Variants in CTNNA2 observed in about 807,000 individuals in gnomAD.
The protein encoded by CTNNA2 is catenin alpha 2.
CTNNA2 carries 42 observed loss-of-function variants against 101.0 expected under a neutral mutation model. The observed-to-expected ratio is 0.42, with a 90% CI of 0.32 to 0.54. The LOEUF is 0.54. Among genes scored for constraint, CTNNA2 ranks in the 20% least tolerant of loss-of-function variants. CTNNA2 has a pLI of 0.14. For missense variants in CTNNA2, 871 were observed against 1,223.1 expected (o/e 0.71, Z 4.29); for synonymous variants, 450 against 456.4 (o/e 0.99, Z 0.18).
At chr2:79,902,628 TC>T (rs1007637610) in intron 6 of CTNNA2, among the ~76,000 whole-genome samples, 3 of 148,450 alleles carry the variant, frequency 2.0e-5, no homozygotes, top group African/African-American at 7.7e-5. Context: ...TTCTTCCTCT[TC>T]TTTTTTTTTT....
At chr2:79,781,619 G>A (rs972518508) in intron 3 of CTNNA2, among the ~76,000 whole-genome samples, 8 of 152,066 alleles carry the variant, frequency 5.3e-5, no homozygotes, top group African/African-American at 1.9e-4. Context: ...CTTTTTGAAA[G>A]ATCAAAAAGT....
intron 9 of CTNNA2, among the ~76,000 whole-genome samples, chr2:80,521,460 A>G (rs1689541263): frequency 6.6e-6 from 1 of 152,226 alleles, no homozygotes; most frequent in African/African-American, 2.4e-5. Flanking sequence ...AGGGGAATTA[A>G]GGTTGCAAAT....
At chr2:80,398,484 A>C (rs1440377688) in intron 8 of CTNNA2, among the ~76,000 whole-genome samples, 1 of 152,120 alleles carries the variant, frequency 6.6e-6, no homozygotes, top group Non-Finnish European at 1.5e-5. Context: ...CTGTGGAAAC[A>C]TGGAGATCAG....
intron 1 of CTNNA2, among the ~76,000 whole-genome samples, chr2:79,538,347 T>C (rs902905541): frequency 6.6e-6 from 1 of 151,758 alleles, no homozygotes; most frequent in South Asian, 2.1e-4. Context: ...AAAGCTGTTA[T>C]GATTTTTTTC....
chr2:80,509,463 G>T lies in CTNNA2; in HGVS notation c.1291-35519G>T, dbSNP rs555627085. On this transcript the variant is annotated intron_variant, in intron 9 of 18. Coordinates refer to ENST00000402739, the MANE Select transcript of CTNNA2 (RefSeq NM_001282597.3). ...AAATTGTCCTGCTGATGCTCTTATGGTATAAGTGTGAAAATGGCCTTCTGT... is the reference window on the plus strand; with the variant it reads ...AAATTGTCCTGCTGATGCTCTTATGTTATAAGTGTGAAAATGGCCTTCTGT... Among the ~76,000 whole-genome samples the T allele has an allele frequency of 2.6e-5, 4 of 152,266 alleles. No individual in the cohort carries two copies. The South Asian group carries it at 8.3e-4, about 32-fold the overall frequency.
intron 2 of CTNNA2, among the ~76,000 whole-genome samples, chr2:79,292,240 G>T (rs1335624882): frequency 6.6e-6 from 1 of 152,128 alleles, no homozygotes; most frequent in Non-Finnish European, 1.5e-5. Flanking sequence ...AAGCAGTGTT[G>T]GCTGTGGCAG....
chr2:79,281,454 C>A (rs538970046), intron 2 of CTNNA2: 1 of 152,282 alleles, frequency 6.6e-6, no homozygotes, highest in East Asian at 1.9e-4. Flanking sequence ...TTTTGGCCTT[C>A]CTTATCCAGA....
intron 7 of CTNNA2, among the ~76,000 whole-genome samples, chr2:80,375,663 C>T (rs1214371367): frequency 6.8e-6 from 1 of 146,864 alleles, no homozygotes; most frequent in African/African-American, 2.5e-5. Context: ...CTCCCAGGTT[C>T]ATGCCATTCT....
intron 7 of CTNNA2, among the ~76,000 whole-genome samples, chr2:79,958,034 T>C (rs144932760): frequency 8.2e-4 from 125 of 152,298 alleles, no homozygotes; most frequent in African/African-American, 2.9e-3. Flanking sequence ...TTCACATGAC[T>C]TGGTTTTAAG....
chr2:79,203,844 C>T (rs1290633348), intron 2 of CTNNA2, among the ~76,000 whole-genome samples: 1 of 151,978 alleles, frequency 6.6e-6, no homozygotes, highest in Non-Finnish European at 1.5e-5. Flanking sequence ...CAATGAAGGC[C>T]CAAAGGTGTC....
intron 2 of CTNNA2, among the ~76,000 whole-genome samples, chr2:79,729,340 G>A (rs1687062377): frequency 6.6e-6 from 1 of 152,070 alleles, no homozygotes; most frequent in Non-Finnish European, 1.5e-5. Flanking sequence ...CCTTTAAGGT[G>A]TATATTATTG....
At chr2:79,695,474 T>A (rs2104725241) in intron 2 of CTNNA2, among the ~76,000 whole-genome samples, 1 of 152,056 alleles carries the variant, frequency 6.6e-6, no homozygotes, top group South Asian at 2.1e-4. Context: ...CAATAAACTA[T>A]AGGAGCAGTC....
chr2:80,438,810 A>G (rs947289551), intron 9 of CTNNA2, among the ~76,000 whole-genome samples: 1 of 152,182 alleles, frequency 6.6e-6, no homozygotes, highest in Non-Finnish European at 1.5e-5. Flanking sequence ...TTTATTCACC[A>G]AAGTCTATAG....
intron 2 of CTNNA2, among the ~76,000 whole-genome samples, chr2:79,706,357 C>T (rs374915932): frequency 1.0e-5 from 1 of 96,310 alleles, no homozygotes. Context: ...AGCGAGACTC[C>T]GTCTCAAAAA....
chr2:80,453,224 T>C (rs2149459922), intron 9 of CTNNA2, among the ~76,000 whole-genome samples: 1 of 152,124 alleles, frequency 6.6e-6, no homozygotes, highest in South Asian at 2.1e-4. Context: ...TTGCTCAGGG[T>C]CTGTGCAAGG....
chr2:79,195,838 T>TG, intron 1 of CTNNA2: 1 of 514,378 alleles, frequency 1.9e-6, no homozygotes, highest in South Asian at 1.4e-5. Flanking sequence ...TACATATCAC[T>TG]CAATGAAAGT....
chr2:80,472,063 G>A (rs1685350038), intron 9 of CTNNA2, among the ~76,000 whole-genome samples: 1 of 151,602 alleles, frequency 6.6e-6, no homozygotes, highest in Non-Finnish European at 1.5e-5. Context: ...GGAGGCAGAG[G>A]TTGCAGTGAT....
At chr2:80,011,378 T>C (rs1045025006) in intron 7 of CTNNA2, among the ~76,000 whole-genome samples, 1 of 152,196 alleles carries the variant, frequency 6.6e-6, no homozygotes, top group Non-Finnish European at 1.5e-5. Flanking sequence ...TAGTTGAAGT[T>C]GGAGGCTTGG....
chr2:80,161,493 T>G (rs1470767412), intron 7 of CTNNA2, among the ~76,000 whole-genome samples: 1 of 152,150 alleles, frequency 6.6e-6, no homozygotes, highest in Non-Finnish European at 1.5e-5. Flanking sequence ...AACAAGATTT[T>G]AAAATTTTAA....
Sources: allele counts gnomAD v4.1 joint callset (sites outside exome capture counted in the v4.1 genomes callset), GRCh38; gene constraint gnomAD v4.1.1; transcripts MANE v1.5; gene names NCBI Gene and HGNC (gene_info 2026-07-23, HGNC 2026-07-21).